The following DEF8 variants were observed in gnomAD, a reference collection of about 807,000 sequenced individuals.
DEF8 encodes the protein differentially expressed in FDCP 8 homolog.
Under a neutral mutation model 59.1 loss-of-function variants are expected in DEF8, and 38 were observed. The ratio of observed to expected loss-of-function variants is 0.64; its 90% CI spans 0.50 to 0.84. The LOEUF (loss-of-function observed/expected upper bound fraction) is 0.84. Ranked by LOEUF, DEF8 falls within the 40% of genes least tolerant of loss-of-function variation. The pLI, the probability that DEF8 is intolerant of heterozygous loss-of-function variation, is 0.00. For synonymous variants in DEF8, 265 were observed against 250.1 expected (o/e 1.06, Z -0.56); for missense variants, 557 against 615.2 (o/e 0.91, Z 1.00).
rs368312734 is a variant in DEF8 at position 89,965,906 on chromosome 16, G to A, written c.1299G>A (p.Arg433=). ...CCACCACTTGTCCCAAGTGTGCCCG[G>A]CTCAGCCTGAGGAAGCAGTCGCTCT... ...DNSTTCPKCA[R]LSLRKQSLFQ... The change falls in exon 13 of 13, where the codon CGG becomes CGA. Residue 433 remains arginine, a synonymous_variant. Coordinates refer to ENST00000563594, the MANE Select transcript of DEF8 (RefSeq NM_001242818.2). The A allele has an allele frequency of 4.6e-5, 74 of 1,613,580 alleles. No homozygotes were observed. The highest frequency in any genetic ancestry group is 5.8e-5 in the Non-Finnish European group (68 of 1,179,774).
chr16:89,954,031 A>G lies in DEF8; in HGVS notation c.-10-212A>G. The G allele has an allele frequency of 1.7e-6, 1 of 575,500 alleles. No individual in the cohort carries two copies. Among genetic ancestry groups the G allele is most frequent in the Non-Finnish European group, 3.0e-6 (1 of 330,104 alleles). 35.6% of individuals were successfully genotyped at this position (575,500 alleles called of 1,614,324 possible). On this transcript the variant is annotated intron_variant, in intron 2 of 12. Coordinates refer to ENST00000563594, the MANE Select transcript of DEF8 (RefSeq NM_001242818.2). This position sits in a 1 kb window ranked among gnomAD's most constrained non-coding sequence, Gnocchi z 4.3. The stretch of plus-strand genomic sequence containing the variant: ...CTCATTGTCACCGTGAGCTCTTTCC[A>G]AGGGGACGCCACCAGTGGGGGCCTG...
chr16:89,957,954 G>T (rs575367038), intron 5 of DEF8: 1 of 242,226 alleles, frequency 4.1e-6, no homozygotes, highest in Non-Finnish European at 8.1e-6. Context: ...ATCCTCCAGT[G>T]TCAGGAATCT....
chr16:89,954,465 A>T lies in DEF8; in HGVS notation c.124+89A>T, dbSNP rs1282369933. The T allele has an allele frequency of 6.9e-7, 1 of 1,448,668 alleles. No homozygotes were observed. The allele number at this position is 1,448,668 out of a possible 1,614,324, so 89.7% of individuals were successfully genotyped here. A position where few individuals can be genotyped will look rare whatever the true frequency, so the allele number is the denominator to read the frequency against. On this transcript the variant is annotated intron_variant, in intron 3 of 12. Coordinates refer to ENST00000563594, the MANE Select transcript of DEF8 (RefSeq NM_001242818.2). This position sits in a 1 kb window ranked among gnomAD's most constrained non-coding sequence, Gnocchi z 4.3. ...CCTTTCTTCCTGCCGCGTCCTGCGC[A>T]GCCCTGGCTTTCCCACGGAGCCGGC...
rs376040635 is a variant in DEF8 at position 89,949,388 on chromosome 16, C to T, written c.-107-29C>T. The T allele has an allele frequency of 5.4e-4, 841 of 1,554,630 alleles. 3 individuals carry two copies. The African/African-American group carries it at 0.01, about 19-fold the overall frequency. ...CCCGCGGGTGTGGTGGGTGGGGAGG[C>T]ACAGTGCTGGGGTGGCTTCTCCCTG... On this transcript the variant is annotated intron_variant, in intron 1 of 12. Transcript: ENST00000563594.
intron 11 of DEF8, 27 bp downstream of exon 11, chr16:89,964,337 TCTC>T: frequency 3.8e-6 from 6 of 1,565,966 alleles, no homozygotes; most frequent in Non-Finnish European, 5.2e-6. Context: ...GGGCCGCTCT[TCTC>T]CAACCCCAGC....
rs2031140307 is a variant in DEF8, at chr16:89,948,787, C to G, written c.-135C>G. 13 of 980,276 alleles carry G rather than the reference C, an allele frequency of 1.3e-5. No individual in the cohort carries two copies. The highest frequency in any genetic ancestry group is 1.6e-5 in the Non-Finnish European group (13 of 828,704). The allele number at this position is 980,276 out of a possible 1,614,324, so 60.7% of individuals were successfully genotyped here. ...GGCGGCCGGGCGGATCCAGCGCAGCCGGGAGACAGATGCGAGGCGGCGGTC... is the reference window on the plus strand; with the variant it reads ...GGCGGCCGGGCGGATCCAGCGCAGCGGGGAGACAGATGCGAGGCGGCGGTC... On this transcript the variant is annotated 5_prime_UTR_variant, in exon 1 of 13. Coordinates refer to ENST00000563594, the MANE Select transcript of DEF8 (RefSeq NM_001242818.2).
chr16:89,959,741 TC>T (rs1245591290), intron 6 of DEF8, among the ~76,000 whole-genome samples: 1 of 152,136 alleles, frequency 6.6e-6, no homozygotes, highest in Admixed American at 6.5e-5. Context: ...TTGTGTTCCG[TC>T]CACCTCGGCC....
chr16:89,964,424 C>T (rs1239612136), intron 11 of DEF8, 42 bp from the exon 12 acceptor site: 6 of 1,558,052 alleles, frequency 3.9e-6, no homozygotes, highest in African/African-American at 1.4e-5. Flanking sequence ...GAGGAGCTGG[C>T]ACTGACGTGC....
At chr16:89,958,713 G>A (rs542654375) in intron 5 of DEF8, among the ~76,000 whole-genome samples, 1 of 152,358 alleles carries the variant, frequency 6.6e-6, no homozygotes, top group East Asian at 1.9e-4. Context: ...GGGGCAGAGA[G>A]GCCGGGTCGC....
intron 5 of DEF8, 84 bp from the exon 6 acceptor site, chr16:89,958,930 G>A (rs1262978563): frequency 6.4e-7 from 1 of 1,560,048 alleles, no homozygotes. Context: ...GTGCCTGGAA[G>A]AAATAAGTTG....
chr16:89,950,028 G>A lies in DEF8; in HGVS notation c.-11+515G>A, dbSNP rs1422747722. 3 of 1,022,728 alleles carry A rather than the reference G, an allele frequency of 2.9e-6. No individual in the cohort carries two copies. The African/African-American group carries it at 5.1e-5, about 17-fold the overall frequency. The allele number at this position is 1,022,728 out of a possible 1,614,324, so 63.4% of individuals were successfully genotyped here. A position where few individuals can be genotyped will look rare whatever the true frequency, so the allele number is the denominator to read the frequency against. ...GCCAGGCCTGGGGCTGGCACTGACT[G>A]TCAGTAAATAGGCAAATAAAAGATG... On this transcript the variant is annotated intron_variant, in intron 2 of 12. Transcript: ENST00000563594.
chr16:89,950,949 C>G (rs1319806813), intron 2 of DEF8, among the ~76,000 whole-genome samples: 1 of 152,172 alleles, frequency 6.6e-6, no homozygotes, highest in East Asian at 1.9e-4. Context: ...CCACTGCACT[C>G]CAGCTCGGGT....
At chr16:89,959,270 C>T in intron 6 of DEF8, 115 bp downstream of exon 6, 2 of 1,547,420 alleles carry the variant, frequency 1.3e-6, no homozygotes, top group Non-Finnish European at 1.8e-6. Context: ...CCAAACATGG[C>T]CAGTCAAAGT....
chr16:89,959,747 T>C (rs754186434), intron 6 of DEF8, among the ~76,000 whole-genome samples: 1 of 152,230 alleles, frequency 6.6e-6, no homozygotes, highest in Non-Finnish European at 1.5e-5. Context: ...TCCGTCCACC[T>C]CGGCCTCCCA....
In DEF8 at chr16:89,954,182, G is replaced by A; in HGVS notation, c.-10-61G>A. 6.3e-7 allele frequency: 1 copy of A among 1,576,694 alleles called. No homozygotes were observed. The highest frequency in any genetic ancestry group is 8.6e-7 in the Non-Finnish European group (1 of 1,159,700). ...AGACACCCCAGTGTGGTTGGGGAAA[G>A]GGGGTGGTCCGTGGTGAGCCTGGTA... On this transcript the variant is annotated intron_variant, in intron 2 of 12. Transcript: ENST00000563594. This position sits in a 1 kb window ranked among gnomAD's most constrained non-coding sequence, Gnocchi z 4.3.
At chr16:89,950,551 C>A (rs774993608) in intron 2 of DEF8, among the ~76,000 whole-genome samples, 5 of 152,140 alleles carry the variant, frequency 3.3e-5, no homozygotes, top group Non-Finnish European at 7.4e-5. Context: ...CCATGCCCAG[C>A]TAATTTGTTT....
Position 89,964,217 on chromosome 16 carries a change from C to A in DEF8, c.1050C>A (p.Val350=). 1.2e-6 allele frequency: 2 copies of A among 1,613,858 alleles called. No homozygotes were observed. Among genetic ancestry groups the A allele is most frequent in the Non-Finnish European group, 1.7e-6 (2 of 1,179,906 alleles). The change falls in exon 11 of 13, where the codon GTC becomes GTA. Residue 350 remains valine (V), a synonymous_variant. Transcript: ENST00000563594. ...HFVENDEMYS[V]QDLLDVHAGR... ...TGGAGAACGACGAGATGTACTCTGT[C>A]CAGGACCTCCTGGACGTGCATGCCG...
chr16:89,955,716 G>A (rs994850581), intron 4 of DEF8, among the ~76,000 whole-genome samples: 3 of 152,214 alleles, frequency 2.0e-5, no homozygotes, highest in Admixed American at 6.5e-5. Flanking sequence ...TGTTTGTTCC[G>A]TGTTTTGTTC....
chr16:89,952,022 C>T (rs571927941), intron 2 of DEF8, among the ~76,000 whole-genome samples: 1 of 152,106 alleles, frequency 6.6e-6, no homozygotes, highest in Non-Finnish European at 1.5e-5. Context: ...GGGCTACAGG[C>T]GCCTGCCACC....
Sources: gnomAD v4.1 joint callset for allele counts (sites outside exome capture counted in the v4.1 genomes callset) on GRCh38, gnomAD v4.1.1 for gene constraint, Gnocchi (gnomAD v3.1) non-coding constraint, MANE v1.5 for transcripts, NCBI Gene and HGNC (gene_info 2026-07-23, HGNC 2026-07-21) for gene names.